The following ZNF577 variants were observed in gnomAD, a reference collection of about 807,000 sequenced individuals.
ZNF577 encodes the protein zinc finger protein 577.
A neutral mutation model predicts 13.9 loss-of-function variants in ZNF577; 14 were observed. That is an observed-to-expected ratio of 1.00 (90% confidence interval 0.66 to 1.57). The LOEUF (loss-of-function observed/expected upper bound fraction) is 1.57, where lower values mean the gene tolerates loss of function less well. Ranked by LOEUF, ZNF577 falls within the 40% of genes most tolerant of loss-of-function variation. The pLI is 0.00. For missense variants in ZNF577, 555 were observed against 579.2 expected (o/e 0.96, Z 0.43); for synonymous variants, 203 against 202.9 (o/e 1.00, Z 0.00).
downstream of ZNF577, among the ~76,000 whole-genome samples, chr19:51,864,979 T>G (rs1439003197): frequency 2.0e-5 from 3 of 152,224 alleles, no homozygotes; most frequent in Non-Finnish European, 4.4e-5. Flanking sequence ...AACCAACATC[T>G]GTGGGAAGCA....
At chr19:51,854,333 A>ATT (rs142092392) in intron 5 of ZNF577, among the ~76,000 whole-genome samples, 1,575 of 145,546 alleles carry the variant, frequency 0.011, 29 homozygotes, top group African/African-American at 0.038. Context: ...TGCTATTTGG[A>ATT]TTTTTTTTTT....
chr19:51,873,082 CA>C lies in ZNF577; in HGVS notation c.907del (p.Cys303ValfsTer11), dbSNP rs2122660736. 1 of 1,614,214 alleles carries C rather than the reference CA, an allele frequency of 6.2e-7. No homozygotes were observed. Among genetic ancestry groups the C allele is most frequent in the Admixed American group, 1.7e-5 (1 of 60,028 alleles). ...TGDKPYKCSD[C>X]GRTFYFKSDL... is the part of the protein sequence containing the mutation. ...TGACTTAAAATAGAAGGTTCTTCCA[CA>C]ATCACTGCATTTATAAGGCTTATCT... On this transcript the variant is annotated frameshift_variant, in exon 6 of 6. Transcript: ENST00000638348. LOFTEE classifies it low-confidence loss of function (END_TRUNC).
chr19:51,865,037 C>A (rs1459107042), downstream of ZNF577, among the ~76,000 whole-genome samples: 1 of 152,192 alleles, frequency 6.6e-6, no homozygotes, highest in African/African-American at 2.4e-5. Context: ...TAAGTGCTGT[C>A]ACTCTGTTTC....
chr19:51,840,013 G>A (rs1258302346), exon 9 of ZNF577: 2 of 152,210 alleles, frequency 1.3e-5, no homozygotes, highest in African/African-American at 4.8e-5. Flanking sequence ...AACACAAGAT[G>A]TCTACAGACT....
intron 10 of ZNF577, among the ~76,000 whole-genome samples, chr19:51,806,071 A>G (rs1378848792): frequency 6.6e-6 from 1 of 152,198 alleles, no homozygotes; most frequent in Non-Finnish European, 1.5e-5. Context: ...AAAAAGACAT[A>G]AGGATTAAAA....
intron 9 of ZNF577, among the ~76,000 whole-genome samples, chr19:51,828,661 T>C (rs183252113): frequency 2.2e-3 from 330 of 152,314 alleles, no homozygotes; most frequent in Non-Finnish European, 3.5e-3. Flanking sequence ...TTTTTAAAGT[T>C]ATGGGACAGT....
At chr19:51,810,615 T>C (rs7247412) in intron 10 of ZNF577, among the ~76,000 whole-genome samples, 40,771 of 152,084 alleles carry the variant, frequency 0.27, 5,649 homozygotes, top group Middle Eastern at 0.34. Flanking sequence ...TGGTTCTGTT[T>C]AGCCTGGTCT....
chr19:51,847,287 A>G (rs908785344), intron 5 of ZNF577, among the ~76,000 whole-genome samples: 16 of 152,114 alleles, frequency 1.1e-4, no homozygotes, highest in Non-Finnish European at 2.1e-4. Flanking sequence ...CCTCAATGTA[A>G]AATACAGCAC....
At chr19:51,875,363 C>CAAAA (rs538987406) in intron 5 of ZNF577, among the ~76,000 whole-genome samples, 88 of 63,534 alleles carry the variant, frequency 1.4e-3, no homozygotes, top group African/African-American at 2.4e-3. Flanking sequence ...AACTCTGTCA[C>CAAAA]AAAAAAAAAA....
intron 9 of ZNF577, among the ~76,000 whole-genome samples, chr19:51,822,087 C>A (rs2084194322): frequency 6.6e-6 from 1 of 152,126 alleles, no homozygotes; most frequent in Non-Finnish European, 1.5e-5. Flanking sequence ...GGTCAAGTGG[C>A]AAAGACACAA....
At chr19:51,857,384 A>AAGAG (rs1324984068) in intron 5 of ZNF577, among the ~76,000 whole-genome samples, 7 of 117,372 alleles carry the variant, frequency 6.0e-5, no homozygotes, top group Non-Finnish European at 1.0e-4. Flanking sequence ...GAAAGAAAGA[A>AAGAG]AGAAAGAAAG....
rs1219046266 is a variant in ZNF577, at chr19:51,886,934, A to G, written c.-332T>C. ...TCAACTAGAAAAAAGACGTCAATTT[A>G]TAAGTTATATGTAATGACATGAGTA... On this transcript the variant is annotated 5_prime_UTR_variant, in exon 1 of 6. An upstream open reading frame in the 5' UTR loses its in-frame stop. Coordinates refer to ENST00000638348, the MANE Select transcript of ZNF577 (RefSeq NM_001370449.1). The G allele has an allele frequency of 1.8e-4, 27 of 152,234 alleles. No individual in the cohort carries two copies. The highest frequency in any genetic ancestry group is 1.6e-3 in the Admixed American group (24 of 15,288). The allele number at this position is 152,234 out of a possible 1,614,324, so 9.4% of individuals were successfully genotyped here. A position where few individuals can be genotyped will look rare whatever the true frequency, so the allele number is the denominator to read the frequency against.
intron 9 of ZNF577, among the ~76,000 whole-genome samples, chr19:51,815,890 AAGAAG>A (rs139767621): frequency 7.0e-6 from 1 of 143,108 alleles, no homozygotes; most frequent in Non-Finnish European, 1.5e-5. Flanking sequence ...AAAAAAGAAA[AAGAAG>A]AAGAAAAAGA....
Position 51,832,128 on chromosome 19 carries a change from T to C in ZNF577, c.*599+7765A>G, listed in dbSNP as rs188163062. Among the ~76,000 whole-genome samples, 46 of 152,300 alleles carry C rather than the reference T, an allele frequency of 3.0e-4. No individual in the cohort carries two copies. In the East Asian group the frequency reaches 7.9e-3, roughly 26 times the overall value. ...CTGGTCTGAGAGCCTTTGACGCCTC[T>C]GTTTTTCTTCATCTATTGTAGCAGC... is the stretch of plus-strand genomic sequence containing the variant. On this transcript the variant is annotated intron_variant and NMD_transcript_variant, in intron 9 of 10. Transcript: ENST00000638827.
At chr19:51,848,240 C>G (rs1002625982) in intron 5 of ZNF577, among the ~76,000 whole-genome samples, 1 of 152,112 alleles carries the variant, frequency 6.6e-6, no homozygotes, top group Non-Finnish European at 1.5e-5. Flanking sequence ...CAGAACACAC[C>G]GAAACAGAAA....
intron 9 of ZNF577, among the ~76,000 whole-genome samples, chr19:51,838,999 T>A (rs773552553): frequency 3.3e-5 from 5 of 152,198 alleles, no homozygotes; most frequent in Non-Finnish European, 7.4e-5. Context: ...TATATTTGAA[T>A]AATAATAAAA....
In ZNF577 at chr19:51,857,414, GAA is replaced by G. The variant is rs879678980; in HGVS notation, c.284-12485_284-12484del. ...AGAAAGAAAGAAAGAAAGAAAGAAA[GAA>G]AGAAAGAAAGAAAAGAAAAAACAAA... On this transcript the variant is annotated intron_variant and NMD_transcript_variant, in intron 5 of 10. Coordinates refer to the ZNF577 transcript ENST00000638827. 9.3e-3 allele frequency among the ~76,000 whole-genome samples: 1,048 copies of G among 113,286 alleles called. 24 individuals are homozygous for G. Among genetic ancestry groups the G allele is most frequent in the Middle Eastern group, 0.022 (5 of 230 alleles). 74.3% of individuals were successfully genotyped at this position (113,286 alleles called of 152,430 possible). A position where few individuals can be genotyped will look rare whatever the true frequency, so the allele number is the denominator to read the frequency against.
chr19:51,842,590 A>G (rs12459483), intron 8 of ZNF577, among the ~76,000 whole-genome samples: 22,695 of 152,156 alleles, frequency 0.15, 3,037 homozygotes, highest in African/African-American at 0.35. Context: ...TCAATTATTT[A>G]TAAATTACCC....
At chr19:51,866,517 A>C (rs1213637441), downstream of ZNF577, among the ~76,000 whole-genome samples, 2 of 152,222 alleles carry the variant, frequency 1.3e-5, no homozygotes, top group African/African-American at 4.8e-5. Flanking sequence ...CTGTTGGCCC[A>C]CACCTTGACT....
Sources: allele counts gnomAD v4.1 joint callset (sites outside exome capture counted in the v4.1 genomes callset), GRCh38; gene constraint gnomAD v4.1.1; transcripts MANE v1.5; gene names NCBI Gene and HGNC (gene_info 2026-07-23, HGNC 2026-07-21).